RPTOR: variants seen among roughly 807,000 people sequenced by gnomAD.
RPTOR encodes regulatory-associated protein of mTOR.
In RPTOR, 21 loss-of-function variants were observed where a neutral mutation model predicts 169.9. The ratio of observed to expected loss-of-function variants is 0.12; its 90% CI spans 0.09 to 0.18. RPTOR has a LOEUF of 0.18. RPTOR is among the 10% of genes least tolerant of loss of function. RPTOR has a pLI of 1.00. For missense variants in RPTOR, 1,133 were observed against 1,855.9 expected, an observed-to-expected ratio of 0.61 and a Z score of 7.16; for synonymous variants, 732 against 753.2, an observed-to-expected ratio of 0.97 and a Z score of 0.46.
chr17:80,602,885 A>T, intron 1 of RPTOR: 1 of 478,246 alleles, frequency 2.1e-6, no homozygotes, highest in Non-Finnish European at 3.9e-6. Context: ...TGATTGCAGA[A>T]TGGCCGTTTT....
chr17:80,865,639 G>A (rs2067980480), intron 13 of RPTOR, among the ~76,000 whole-genome samples: 1 of 152,078 alleles, frequency 6.6e-6, no homozygotes, highest in South Asian at 2.1e-4. Context: ...CCTAATAATA[G>A]AGTTTCAAAA....
At chr17:80,834,699 G>C (rs1032629137) in intron 9 of RPTOR, among the ~76,000 whole-genome samples, 4 of 152,240 alleles carry the variant, frequency 2.6e-5, no homozygotes, top group African/African-American at 9.6e-5. Context: ...GGTGTGCTGA[G>C]CGATGTCTCC....
In RPTOR at chr17:80,658,956, T is replaced by G. The variant is rs1330299312; in HGVS notation, c.348+15146T>G. 2.0e-5 allele frequency among the ~76,000 whole-genome samples: 3 copies of G among 151,436 alleles called. No individual in the cohort carries two copies. In the East Asian group the frequency reaches 5.8e-4, roughly 29 times the overall value. ...ACATCAACATCTTTGAAATGGGGGG[T>G]GTGTGTTGCCATCAGTCTGACTGCT... On this transcript the variant is annotated intron_variant, in intron 3 of 33. Coordinates refer to ENST00000306801, the MANE Select transcript of RPTOR (RefSeq NM_020761.3).
chr17:80,930,202 T>C (rs2068863148), intron 24 of RPTOR, among the ~76,000 whole-genome samples: 1 of 123,282 alleles, frequency 8.1e-6, no homozygotes, highest in African/African-American at 3.2e-5. Context: ...CATGCCCAGC[T>C]CATCCCCAGC....
chr17:80,614,821 C>T (rs1029483169), intron 1 of RPTOR, among the ~76,000 whole-genome samples: 2 of 152,156 alleles, frequency 1.3e-5, no homozygotes, highest in South Asian at 2.1e-4. Flanking sequence ...CTCGCTTTGC[C>T]GACAGCTGCT....
At chr17:80,733,973 G>A (rs192034411) in intron 5 of RPTOR, among the ~76,000 whole-genome samples, 4 of 152,186 alleles carry the variant, frequency 2.6e-5, no homozygotes, top group African/African-American at 9.6e-5. Context: ...TACAGCTTCT[G>A]TTATCTGCAC....
rs1183621738 is a variant in RPTOR, at chr17:80,566,125, G to T, written c.162+20334G>T. Reference sequence around the variant, plus strand: ...ACGGCTCTCTACCTGTCTGCTCCTGGTCTGAGTCTGAGTGTTTTCATCAAT... The same window carrying T: ...ACGGCTCTCTACCTGTCTGCTCCTGTTCTGAGTCTGAGTGTTTTCATCAAT... On this transcript the variant is annotated intron_variant, in intron 1 of 33. Transcript: ENST00000306801. 2.0e-5 allele frequency among the ~76,000 whole-genome samples: 3 copies of T among 152,176 alleles called. No homozygotes were observed. In the South Asian group the frequency reaches 6.2e-4, roughly 32 times the overall value.
Position 80,730,439 on chromosome 17 carries a change from A to T in RPTOR, c.508-121A>T. 9.2e-7 allele frequency: 1 copy of T among 1,089,684 alleles called. No homozygotes were observed. The highest frequency in any genetic ancestry group is 1.4e-6 in the Non-Finnish European group (1 of 739,952). 67.5% of individuals were successfully genotyped at this position (1,089,684 alleles called of 1,614,324 possible). On this transcript the variant is annotated intron_variant, in intron 4 of 33. Transcript: ENST00000306801. This position sits in a 1 kb window ranked among gnomAD's most constrained non-coding sequence, Gnocchi z 4.2. ...TTTTTTATAGTTTTGTATAAAGGCTAACTCAGCGTCTCTCCAGCCACCAGG... is the reference window on the plus strand; with the variant it reads ...TTTTTTATAGTTTTGTATAAAGGCTTACTCAGCGTCTCTCCAGCCACCAGG...
At chr17:80,666,048 G>A (rs2065776478) in intron 3 of RPTOR, among the ~76,000 whole-genome samples, 1 of 152,064 alleles carries the variant, frequency 6.6e-6, no homozygotes, top group Non-Finnish European at 1.5e-5. Context: ...TGAGCAGGGA[G>A]GACAAACGTT....
chr17:80,952,377 C>T (rs115333148), intron 28 of RPTOR, among the ~76,000 whole-genome samples: 1,568 of 152,336 alleles, frequency 0.01, 28 homozygotes, highest in African/African-American at 0.035. Context: ...CTGGTCACCA[C>T]GGGGATCCGT....
intron 3 of RPTOR, among the ~76,000 whole-genome samples, chr17:80,698,941 G>A (rs1182803240): frequency 2.6e-5 from 4 of 152,168 alleles, no homozygotes; most frequent in Non-Finnish European, 4.4e-5. Context: ...AGGTTACCCT[G>A]GGTGCTTCCT....
intron 6 of RPTOR, among the ~76,000 whole-genome samples, chr17:80,765,751 G>A (rs1290173748): frequency 3.3e-5 from 5 of 151,964 alleles, no homozygotes; most frequent in South Asian, 2.1e-4. Context: ...TTTTTCTCTC[G>A]TTATGGAGGA....
At chr17:80,606,007 A>G (rs1171527875) in intron 1 of RPTOR, among the ~76,000 whole-genome samples, 1 of 151,962 alleles carries the variant, frequency 6.6e-6, no homozygotes, top group African/African-American at 2.4e-5. Flanking sequence ...TCTCTTACCA[A>G]TAGACTTTTG....
rs545153804 is a variant in RPTOR, at chr17:80,730,451, C to T, written c.508-109C>T. On this transcript the variant is annotated intron_variant, in intron 4 of 33. Transcript: ENST00000306801. The surrounding 1 kb of genome is among the most constrained non-coding windows in gnomAD (Gnocchi z 4.2). The stretch of plus-strand genomic sequence containing the variant: ...TTGTATAAAGGCTAACTCAGCGTCT[C>T]TCCAGCCACCAGGCTCAATGTGTGT... The T allele has an allele frequency of 2.9e-5, 37 of 1,288,552 alleles. No individual in the cohort carries two copies. The highest frequency in any genetic ancestry group is 4.0e-5 in the Non-Finnish European group (36 of 909,130). 79.8% of individuals were successfully genotyped at this position (1,288,552 alleles called of 1,614,324 possible). A position where few individuals can be genotyped will look rare whatever the true frequency, so the allele number is the denominator to read the frequency against.
chr17:80,564,977 A>G (rs1276104514), intron 1 of RPTOR, among the ~76,000 whole-genome samples: 1 of 151,894 alleles, frequency 6.6e-6, no homozygotes, highest in Non-Finnish European at 1.5e-5. Context: ...TTTCTTTTCT[A>G]TATGTTGATC....
chr17:80,941,058 C>T (rs2069020035), intron 25 of RPTOR, among the ~76,000 whole-genome samples: 2 of 152,260 alleles, frequency 1.3e-5, no homozygotes, highest in Non-Finnish European at 2.9e-5. Context: ...GCATCCTTCC[C>T]TGGAAACAGG....
At chr17:80,589,516 A>G (rs1249279260) in intron 1 of RPTOR, among the ~76,000 whole-genome samples, 1 of 152,160 alleles carries the variant, frequency 6.6e-6, no homozygotes, top group Non-Finnish European at 1.5e-5. Context: ...TTTGATTGTG[A>G]TTTAATCATA....
Position 80,894,961 on chromosome 17 carries a change from G to A in RPTOR, c.2401+1096G>A, listed in dbSNP as rs557903805. Among the ~76,000 whole-genome samples, 45 of 152,342 alleles carry A rather than the reference G, an allele frequency of 3.0e-4. No homozygotes were observed. The South Asian group carries it at 8.3e-3, about 28-fold the overall frequency. The stretch of plus-strand genomic sequence containing the variant: ...GCACGATGCGTGGCCCGCAAAGCCC[G>A]TTTCTTTGGCTCTGACTTCAATATG... On this transcript the variant is annotated intron_variant, in intron 20 of 33. Transcript: ENST00000306801.
At chr17:80,571,457 T>C (rs1302253811) in intron 1 of RPTOR, among the ~76,000 whole-genome samples, 1 of 152,198 alleles carries the variant, frequency 6.6e-6, no homozygotes, top group Non-Finnish European at 1.5e-5. Flanking sequence ...TGTTGCACCT[T>C]GATCCCAGTT....
Sources: gnomAD v4.1 joint callset for allele counts (sites outside exome capture counted in the v4.1 genomes callset) on GRCh38, gnomAD v4.1.1 for gene constraint, Gnocchi (gnomAD v3.1) non-coding constraint, MANE v1.5 for transcripts, NCBI Gene and HGNC (gene_info 2026-07-23, HGNC 2026-07-21) for gene names.